The following RAPGEF1 variants were observed in gnomAD, a reference collection of about 807,000 sequenced individuals.
RAPGEF1 encodes CRK SH3-binding GNRP.
In RAPGEF1, 33 loss-of-function variants were observed where a neutral mutation model predicts 143.3. That is an observed-to-expected ratio of 0.23 (90% confidence interval 0.17 to 0.31). The LOEUF (loss-of-function observed/expected upper bound fraction) is 0.31, where lower values mean the gene tolerates loss of function less well. RAPGEF1 is among the 10% of genes least tolerant of loss of function. The pLI, the probability that RAPGEF1 is intolerant of heterozygous loss-of-function variation, is 1.00. For synonymous variants in RAPGEF1, 629 were observed against 676.5 expected (o/e 0.93, Z 1.09); for missense variants, 1,199 against 1,645.4 (o/e 0.73, Z 4.69).
chr9:131,709,996 A>T (rs1315345773), intron 1 of RAPGEF1: 3 of 958,296 alleles, frequency 3.1e-6, no homozygotes, highest in Middle Eastern at 5.4e-4. Flanking sequence ...TTTATTACTC[A>T]TCAGCACAAC....
chr9:131,723,274 G>A lies in RAPGEF1; in HGVS notation c.61+16496C>T, dbSNP rs555423693. Reference sequence around the variant, plus strand: ...TAATTATATAAACATTGAAAAAACTGTGGTAAAGTACACATAACATTTGCC... The same window carrying A: ...TAATTATATAAACATTGAAAAAACTATGGTAAAGTACACATAACATTTGCC... On this transcript the variant is annotated intron_variant, in intron 1 of 26. Coordinates refer to ENST00000683357, the MANE Select transcript of RAPGEF1 (RefSeq NM_001377935.1). Among the ~76,000 whole-genome samples, 254 of 152,280 alleles carry A rather than the reference G, an allele frequency of 1.7e-3. 2 individuals are homozygous for A. Among genetic ancestry groups the A allele is most frequent in the African/African-American group, 5.8e-3 (243 of 41,556 alleles).
intron 3 of RAPGEF1, among the ~76,000 whole-genome samples, chr9:131,644,520 A>G (rs1969011269): frequency 6.6e-6 from 1 of 152,230 alleles, no homozygotes; most frequent in Non-Finnish European, 1.5e-5. Flanking sequence ...AGCCACCTGC[A>G]GGATCTCAGA....
intron 4 of RAPGEF1, among the ~76,000 whole-genome samples, chr9:131,642,960 C>A (rs953889023): frequency 6.6e-6 from 1 of 152,198 alleles, no homozygotes; most frequent in Non-Finnish European, 1.5e-5. Flanking sequence ...GGCGTCCTGG[C>A]TTGACGCAGT....
chr9:131,734,856 G>A (rs751006763), intron 1 of RAPGEF1, among the ~76,000 whole-genome samples: 2 of 152,198 alleles, frequency 1.3e-5, no homozygotes, highest in Non-Finnish European at 2.9e-5. Context: ...TGAAACCGTA[G>A]CACACTGAGC....
Position 131,641,954 on chromosome 9 carries a change from T to G in RAPGEF1, c.494+1285A>C, listed in dbSNP as rs1968129310. 6.6e-6 allele frequency among the ~76,000 whole-genome samples: 1 copy of G among 152,234 alleles called. No homozygotes were observed. Among genetic ancestry groups the G allele is most frequent in the Non-Finnish European group, 1.5e-5 (1 of 68,040 alleles). ...GAAAACTATGAACTTCATTGCCAAG[T>G]TCTGAAAGCAGTTCATAAAAGCTTA... On this transcript the variant is annotated intron_variant, in intron 4 of 26. Transcript: ENST00000683357. This position sits in a 1 kb window ranked among gnomAD's most constrained non-coding sequence, Gnocchi z 4.6.
intron 9 of RAPGEF1, among the ~76,000 whole-genome samples, chr9:131,627,213 C>CAAAAAAAAAAAAAAAAAAAAA (rs10690802): frequency 5.1e-5 from 5 of 97,406 alleles, no homozygotes; most frequent in East Asian, 7.6e-4. Context: ...GGCTCTGTCT[C>CAAAAAAAAAAAAAAAAAAAAA]AAAAAAAAAA....
At chr9:131,652,020 C>T (rs967229935) in intron 1 of RAPGEF1, among the ~76,000 whole-genome samples, 3 of 152,192 alleles carry the variant, frequency 2.0e-5, no homozygotes, top group Non-Finnish European at 4.4e-5. Flanking sequence ...AAAATTCCAC[C>T]TGTGAAAGGC....
At chr9:131,699,967 C>T (rs947316396) in intron 1 of RAPGEF1, among the ~76,000 whole-genome samples, 2 of 152,170 alleles carry the variant, frequency 1.3e-5, no homozygotes. Flanking sequence ...CTAATGGCCA[C>T]CTCCTTGTAG....
At chr9:131,683,679 C>T (rs1252258629) in intron 1 of RAPGEF1, among the ~76,000 whole-genome samples, 1 of 152,216 alleles carries the variant, frequency 6.6e-6, no homozygotes, top group Non-Finnish European at 1.5e-5. Flanking sequence ...AATGGTAAAG[C>T]TTTATTCTGG....
At chr9:131,589,758 T>C in intron 19 of RAPGEF1, 128 bp downstream of exon 19, 1 of 836,816 alleles carries the variant, frequency 1.2e-6, no homozygotes, top group Non-Finnish European at 1.9e-6. Context: ...CACAGGCCAT[T>C]CTCTCAAAGG....
At chr9:131,739,621 C>T in intron 1 of RAPGEF1, 149 bp downstream of exon 1, 1 of 484,404 alleles carries the variant, frequency 2.1e-6, no homozygotes, top group Non-Finnish European at 2.7e-6. Flanking sequence ...GGAGAAGCTG[C>T]CAGGCGCCCC....
chr9:131,737,923 G>A (rs1386769680), intron 1 of RAPGEF1, among the ~76,000 whole-genome samples: 2 of 150,240 alleles, frequency 1.3e-5, no homozygotes, highest in African/African-American at 2.5e-5. Context: ...AGCCGAGATC[G>A]CACCACTGCA....
intron 1 of RAPGEF1, among the ~76,000 whole-genome samples, chr9:131,717,091 A>G (rs1835916060): frequency 2.0e-5 from 3 of 152,178 alleles, no homozygotes; most frequent in African/African-American, 7.2e-5. Context: ...GGACCATGGC[A>G]GTATTGGAAG....
In RAPGEF1 at chr9:131,643,392, T is replaced by C; in HGVS notation, c.341A>G (p.Glu114Gly). The change falls in exon 4 of 27, where the codon GAG becomes GGG. Residue 114 changes from glutamate to glycine, a missense_variant. Glu to Gly is a moderately conservative substitution (Grantham distance 98). Coordinates refer to ENST00000683357, the MANE Select transcript of RAPGEF1 (RefSeq NM_001377935.1). Reference sequence around the variant, plus strand: ...GCGCAGGGCACTGACAACTTCCTTCTCTTTCTCCTCCAGCCAGCTCAGGTT... The same window carrying C: ...GCGCAGGGCACTGACAACTTCCTTCCCTTTCTCCTCCAGCCAGCTCAGGTT... ...QKNLSWLEEKEKEVVSALRYF... is the reference protein window; with the variant it reads ...QKNLSWLEEKGKEVVSALRYF... 6.2e-7 allele frequency: 1 copy of C among 1,613,578 alleles called. No homozygotes were observed. Among genetic ancestry groups the C allele is most frequent in the Admixed American group, 1.7e-5 (1 of 59,982 alleles).
At chr9:131,708,775 A>T (rs1835281097) in intron 1 of RAPGEF1, among the ~76,000 whole-genome samples, 1 of 151,522 alleles carries the variant, frequency 6.6e-6, no homozygotes, top group African/African-American at 2.4e-5. Flanking sequence ...TCTGTCACCC[A>T]GGCTGGAGTG....
intron 22 of RAPGEF1, among the ~76,000 whole-genome samples, chr9:131,585,254 C>T (rs948707941): frequency 6.6e-6 from 1 of 152,182 alleles, no homozygotes; most frequent in Non-Finnish European, 1.5e-5. Context: ...GAGTATATCT[C>T]ACTGTAGTCT....
rs2132032475 is a variant in RAPGEF1 at position 131,577,467 on chromosome 9, G to C, written c.*2030C>G. 6.6e-6 allele frequency: 1 copy of C among 152,418 alleles called. No homozygotes were observed. The highest frequency in any genetic ancestry group is 1.5e-5 in the Non-Finnish European group (1 of 68,074). 9.4% of individuals were successfully genotyped at this position (152,418 alleles called of 1,614,324 possible). A position where few individuals can be genotyped will look rare whatever the true frequency, so the allele number is the denominator to read the frequency against. On this transcript the variant is annotated 3_prime_UTR_variant, in exon 27 of 27. Transcript: ENST00000683357. ...GGTTCTGCCTGCTGCTGGAGTGAGA[G>C]GCCTGGTTTCTGAGGCTGCAGCATG...
chr9:131,600,932 G>T (rs1258574350), intron 15 of RAPGEF1, among the ~76,000 whole-genome samples: 1 of 152,150 alleles, frequency 6.6e-6, no homozygotes, highest in East Asian at 1.9e-4. Context: ...GGGGCAGGTG[G>T]ATCATGAGGT....
At chr9:131,626,811 C>G (rs1963236385) in intron 9 of RAPGEF1, among the ~76,000 whole-genome samples, 1 of 152,146 alleles carries the variant, frequency 6.6e-6, no homozygotes, top group Admixed American at 6.5e-5. Context: ...TTTGAAAAAG[C>G]CTAACTGAGG....
Sources: gnomAD v4.1 joint callset for allele counts (sites outside exome capture counted in the v4.1 genomes callset) on GRCh38, gnomAD v4.1.1 for gene constraint, Gnocchi (gnomAD v3.1) non-coding constraint, MANE v1.5 for transcripts, NCBI Gene and HGNC (gene_info 2026-07-23, HGNC 2026-07-21) for gene names.